The following KCNA2 variants were observed in gnomAD, a reference collection of about 807,000 sequenced individuals.
KCNA2 encodes the protein potassium channel, voltage gated shaker related subfamily A, member 2.
In KCNA2, 11 loss-of-function variants were observed where a neutral mutation model predicts 33.4. The observed-to-expected ratio is 0.33, with a 90% confidence interval of 0.21 to 0.55. The LOEUF (loss-of-function observed/expected upper bound fraction) is 0.55. Ranked by LOEUF, KCNA2 falls within the 20% of genes least tolerant of loss-of-function variation. The pLI, the probability that KCNA2 is intolerant of heterozygous loss-of-function variation, is 0.93. For synonymous variants in KCNA2, 222 were observed against 231.3 expected, an observed-to-expected ratio of 0.96 and a Z score of 0.37; for missense variants, 291 against 621.6, an observed-to-expected ratio of 0.47 and a Z score of 5.66.
At chr1:110,610,703 T>G (rs1479946400), upstream of KCNA2, among the ~76,000 whole-genome samples, 1 of 152,184 alleles carries the variant, frequency 6.6e-6, no homozygotes, top group Non-Finnish European at 1.5e-5. Context: ...CAATTTCTGG[T>G]CTCAGGAACA....
At chr1:110,620,093 T>TGAGA (rs35267607) in intron 1 of KCNA2, among the ~76,000 whole-genome samples, 1 of 122,014 alleles carries the variant, frequency 8.2e-6, no homozygotes. Context: ...AGAGAGTGAG[T>TGAGA]GAGAGAGAGA....
Position 110,602,200 on chromosome 1 carries a change from G to A in KCNA2, c.*1083C>T, listed in dbSNP as rs975660917. ...TTAGAAGAACAGGGATAGGTAGGCT[G>A]GGGGGCCAGAAGTTTTAGTTCCATT... On this transcript the variant is annotated 3_prime_UTR_variant, in exon 3 of 3. Coordinates refer to ENST00000316361, the MANE Select transcript of KCNA2 (RefSeq NM_004974.4). 6.5e-7 allele frequency: 1 copy of A among 1,549,012 alleles called. No homozygotes were observed. Among genetic ancestry groups the A allele is most frequent in the South Asian group, 1.2e-5 (1 of 83,900 alleles).
rs1649189198 is a variant in KCNA2 at position 110,598,282 on chromosome 1, C to T, written c.*5001G>A. 8 of 746,682 alleles carry T rather than the reference C, an allele frequency of 1.1e-5. No homozygotes were observed. Among genetic ancestry groups the T allele is most frequent in the Non-Finnish European group, 1.3e-5 (8 of 612,086 alleles). The allele number at this position is 746,682 out of a possible 1,614,324, so 46.3% of individuals were successfully genotyped here. ...AGCTCTGGGGAGCAGAGCTCAGCAC[C>T]ATCATCCCCTCTCTTGAGTAAACAA... On this transcript the variant is annotated 3_prime_UTR_variant, in exon 3 of 3. Transcript: ENST00000316361.
Position 110,598,934 on chromosome 1 carries a change from C to A in KCNA2, c.*4349G>T. 1.0e-6 allele frequency: 1 copy of A among 985,422 alleles called. No homozygotes were observed. Among genetic ancestry groups the A allele is most frequent in the Non-Finnish European group, 1.2e-6 (1 of 829,926 alleles). The allele number at this position is 985,422 out of a possible 1,614,324, so 61.0% of individuals were successfully genotyped here. A position where few individuals can be genotyped will look rare whatever the true frequency, so the allele number is the denominator to read the frequency against. On this transcript the variant is annotated 3_prime_UTR_variant, in exon 3 of 3. Transcript: ENST00000316361. ...TTTCCTGGGCCTATTCCTTTTCGGT[C>A]TCCTGAAAACTCCAAGTTTCTTGAA...
chr1:110,622,099 A>T (rs1185552447), intron 1 of KCNA2, among the ~76,000 whole-genome samples: 13 of 152,162 alleles, frequency 8.5e-5, no homozygotes, highest in African/African-American at 3.1e-4. Flanking sequence ...GTACAAACCG[A>T]ATAAAGACGT....
Position 110,599,889 on chromosome 1 carries a change from G to A in KCNA2, c.*3394C>T. On this transcript the variant is annotated 3_prime_UTR_variant, in exon 3 of 3. Coordinates refer to ENST00000316361, the MANE Select transcript of KCNA2 (RefSeq NM_004974.4). ...CTATATTAGGCTACCAGCTGTCCCA[G>A]GTACTTTCACACCCTGCACCCAGGT... is the stretch of plus-strand genomic sequence containing the variant. 1.0e-6 allele frequency: 1 copy of A among 985,392 alleles called. No homozygotes were observed. The highest frequency in any genetic ancestry group is 1.2e-6 in the Non-Finnish European group (1 of 829,948). 61.0% of individuals were successfully genotyped at this position (985,392 alleles called of 1,614,324 possible).
chr1:110,602,199 TG>T lies in KCNA2; in HGVS notation c.*1083del. 1 of 1,549,314 alleles carries T rather than the reference TG, an allele frequency of 6.5e-7. No individual in the cohort carries two copies. Among genetic ancestry groups the T allele is most frequent in the Non-Finnish European group, 8.7e-7 (1 of 1,146,546 alleles). On this transcript the variant is annotated 3_prime_UTR_variant, in exon 3 of 3. Coordinates refer to ENST00000316361, the MANE Select transcript of KCNA2 (RefSeq NM_004974.4). ...TTTAGAAGAACAGGGATAGGTAGGC[TG>T]GGGGGCCAGAAGTTTTAGTTCCATT... is the stretch of plus-strand genomic sequence containing the variant.
In KCNA2 at chr1:110,601,861, T is replaced by TAC. The variant is rs1350651676; in HGVS notation, c.*1420_*1421dup. On this transcript the variant is annotated 3_prime_UTR_variant, in exon 3 of 3. Transcript: ENST00000316361. ...ATACACACATATGTATGTATATATA[T>TAC]ACACCCTAGTGCACATAGTCAAACA... 1.4e-6 allele frequency: 2 copies of TAC among 1,434,430 alleles called. No homozygotes were observed. Among genetic ancestry groups the TAC allele is most frequent in the South Asian group, 1.5e-5 (1 of 65,974 alleles). The allele number at this position is 1,434,430 out of a possible 1,614,324, so 88.9% of individuals were successfully genotyped here. A position where few individuals can be genotyped will look rare whatever the true frequency, so the allele number is the denominator to read the frequency against.
upstream of KCNA2, chr1:110,606,575 T>TGGCCGC (rs1371864110): frequency 1.3e-5 from 2 of 152,374 alleles, no homozygotes; most frequent in African/African-American, 4.8e-5. Flanking sequence ...ACCCTCCCGC[T>TGGCCGC]GGCCGCGGCC....
intron 1 of KCNA2, among the ~76,000 whole-genome samples, chr1:110,628,197 G>A: frequency 6.6e-6 from 1 of 152,134 alleles, no homozygotes; most frequent in African/African-American, 2.4e-5. Context: ...CCTGGGTGCT[G>A]CAAAGGCCAG....
chr1:110,604,385 A>G lies in KCNA2; in HGVS notation c.398T>C (p.Ile133Thr). Reference sequence around the variant, plus strand: ...AGGCAGAGGACGCTCTTCCTCCTTGATGTAGCCTTCATCTTCCCGAAACAT... The same window carrying G: ...AGGCAGAGGACGCTCTTCCTCCTTGGTGTAGCCTTCATCTTCCCGAAACAT... The part of the protein sequence containing the change: ...MEMFREDEGY[I>T]KEEERPLPEN... Residue 133 changes from isoleucine (I) to threonine (T), a missense_variant, in exon 3 of 3, where the codon ATC becomes ACC. Transcript: ENST00000316361. This position sits in a 1 kb window ranked among gnomAD's most constrained non-coding sequence, Gnocchi z 7.6. 1 of 1,614,136 alleles carries G rather than the reference A, an allele frequency of 6.2e-7. No homozygotes were observed. The highest frequency in any genetic ancestry group is 2.2e-5 in the East Asian group (1 of 44,880).
intron 1 of KCNA2, among the ~76,000 whole-genome samples, chr1:110,612,476 C>T (rs1029222324): frequency 6.6e-6 from 1 of 152,162 alleles, no homozygotes; most frequent in Non-Finnish European, 1.5e-5. Flanking sequence ...CCTCCTTCAC[C>T]CGACACACTC....
chr1:110,613,751 T>C (rs1649958517), intron 1 of KCNA2, among the ~76,000 whole-genome samples: 1 of 152,150 alleles, frequency 6.6e-6, no homozygotes, highest in Non-Finnish European at 1.5e-5. Context: ...TATAGAGAGC[T>C]TAAGCATCTT....
In KCNA2 at chr1:110,600,557, T is replaced by C. The variant is rs1385818865; in HGVS notation, c.*2726A>G. The C allele has an allele frequency of 1.0e-6, 1 of 985,272 alleles. No homozygotes were observed. Among genetic ancestry groups the C allele is most frequent in the Non-Finnish European group, 1.2e-6 (1 of 829,932 alleles). 61.0% of individuals were successfully genotyped at this position (985,272 alleles called of 1,614,324 possible). A position where few individuals can be genotyped will look rare whatever the true frequency, so the allele number is the denominator to read the frequency against. On this transcript the variant is annotated 3_prime_UTR_variant, in exon 3 of 3. Coordinates refer to ENST00000316361, the MANE Select transcript of KCNA2 (RefSeq NM_004974.4). ...GTCTGTATTTTGCACGTTACATGTT[T>C]TATGTTTGTGTGTGACAACAGTGTA...
intron 1 of KCNA2, among the ~76,000 whole-genome samples, chr1:110,620,053 C>CGAGA (rs3050013): frequency 0.24 from 29,994 of 126,408 alleles, 3,434 homozygotes; most frequent in Admixed American, 0.32. Flanking sequence ...AGAGCGAGAG[C>CGAGA]GAGAGAGAGA....
At position 110,599,069 on chromosome 1, in the gene KCNA2, G is replaced by A. The variant is rs1649226160; in HGVS notation, c.*4214C>T. On this transcript the variant is annotated 3_prime_UTR_variant, in exon 3 of 3. Transcript: ENST00000316361. ...TGGACCCATATGTCCACTCCCTACT[G>A]TTGTTACCTTTTCTGTAGAGACTGG... 2 of 985,420 alleles carry A rather than the reference G, an allele frequency of 2.0e-6. No individual in the cohort carries two copies. Among genetic ancestry groups the A allele is most frequent in the Non-Finnish European group, 2.4e-6 (2 of 829,922 alleles). 61.0% of individuals were successfully genotyped at this position (985,420 alleles called of 1,614,324 possible).
Position 110,601,938 on chromosome 1 carries a change from C to T in KCNA2, c.*1345G>A. 1 of 1,493,356 alleles carries T rather than the reference C, an allele frequency of 6.7e-7. No individual in the cohort carries two copies. The highest frequency in any genetic ancestry group is 8.9e-7 in the Non-Finnish European group (1 of 1,121,682). The allele number at this position is 1,493,356 out of a possible 1,614,324, so 92.5% of individuals were successfully genotyped here. ...ATATTGCATAAGCTTGTACAATGTT[C>T]AAATGCAATTTCTTTTCTATCACTA... On this transcript the variant is annotated 3_prime_UTR_variant, in exon 3 of 3. Transcript: ENST00000316361.
At chr1:110,622,819 G>A (rs1000077912) in intron 1 of KCNA2, among the ~76,000 whole-genome samples, 5 of 152,130 alleles carry the variant, frequency 3.3e-5, no homozygotes, top group Non-Finnish European at 5.9e-5. Flanking sequence ...AAACATTAAT[G>A]GTAGAAATGA....
Position 110,597,440 on chromosome 1 carries a change from G to GT in KCNA2, c.*5842dup. On this transcript the variant is annotated 3_prime_UTR_variant, in exon 3 of 3. Transcript: ENST00000316361. ...CTTAGGATTTTCATGCCTAGAGGTT[G>GT]TAAGGATGCTGTATGACAGCAGGCA... 1.0e-6 allele frequency: 1 copy of GT among 985,482 alleles called. No homozygotes were observed. The highest frequency in any genetic ancestry group is 1.2e-6 in the Non-Finnish European group (1 of 829,952). The allele number at this position is 985,482 out of a possible 1,614,324, so 61.0% of individuals were successfully genotyped here.
Sources: gnomAD v4.1 joint callset for allele counts (sites outside exome capture counted in the v4.1 genomes callset) on GRCh38, gnomAD v4.1.1 for gene constraint, Gnocchi (gnomAD v3.1) non-coding constraint, MANE v1.5 for transcripts, NCBI Gene and HGNC (gene_info 2026-07-23, HGNC 2026-07-21) for gene names.